The following ELP2 variants were observed in gnomAD, a reference collection of about 807,000 sequenced individuals.
ELP2 encodes elongator acetyltransferase complex subunit 2, also known as elongator complex protein 2.
In ELP2, 90 loss-of-function variants were observed where a neutral mutation model predicts 119.2. The observed-to-expected ratio is 0.75, with a 90% confidence interval of 0.64 to 0.90. ELP2 has a LOEUF of 0.90. Among genes scored for constraint, ELP2 ranks in the 40% least tolerant of loss-of-function variants. The pLI is 0.00. For synonymous variants in ELP2, 339 were observed against 331.0 expected, an observed-to-expected ratio of 1.02 and a Z score of -0.26; for missense variants, 921 against 967.8, an observed-to-expected ratio of 0.95 and a Z score of 0.64.
At chr18:36,155,592 C>T (rs1222298954) in intron 12 of ELP2, among the ~76,000 whole-genome samples, 1 of 152,042 alleles carries the variant, frequency 6.6e-6, no homozygotes, top group African/African-American at 2.4e-5. Context: ...TTTGTAGAGA[C>T]AGGATCTTGC....
intron 21 of ELP2, 91 bp from the exon 22 acceptor site, chr18:36,174,394 C>G (rs555947077): frequency 7.9e-7 from 1 of 1,259,894 alleles, no homozygotes; most frequent in Non-Finnish European, 1.1e-6. Context: ...ATTTTAAAAC[C>G]TGTACATTTC....
chr18:36,139,426 G>A lies in ELP2; in HGVS notation c.523+554G>A, dbSNP rs1456441833. 5.9e-6 allele frequency: 9 copies of A among 1,535,322 alleles called. No individual in the cohort carries two copies. The African/African-American group carries it at 9.6e-5, about 16-fold the overall frequency. On this transcript the variant is annotated intron_variant, in intron 5 of 21. Transcript: ENST00000358232. ...GCCTCTTTGCCTCCACAGTTACCTG[G>A]AAGACTGGCCAGGTGGAACGAGGCA...
rs1057483081 is a variant in ELP2 at position 36,174,931 on chromosome 18, G to A, written c.*290G>A. 2.8e-6 allele frequency: 1 copy of A among 355,062 alleles called. No individual in the cohort carries two copies. The highest frequency in any genetic ancestry group is 5.3e-6 in the Non-Finnish European group (1 of 186,976). 22.0% of individuals were successfully genotyped at this position (355,062 alleles called of 1,614,324 possible). A position where few individuals can be genotyped will look rare whatever the true frequency, so the allele number is the denominator to read the frequency against. On this transcript the variant is annotated 3_prime_UTR_variant, in exon 22 of 22. Coordinates refer to ENST00000358232, the MANE Select transcript of ELP2 (RefSeq NM_018255.4). Reference sequence around the variant, plus strand: ...GGGTCTCAAACTCCTCGTCTCAGGTGATCTGCTTGCCTCGGCCTCCCAAAG... The same window carrying A: ...GGGTCTCAAACTCCTCGTCTCAGGTAATCTGCTTGCCTCGGCCTCCCAAAG...
At chr18:36,136,451 TGTC>T in intron 3 of ELP2, 74 bp downstream of exon 3, 1 of 1,238,088 alleles carries the variant, frequency 8.1e-7, no homozygotes, top group Non-Finnish European at 1.2e-6. Context: ...AGTTTCACTC[TGTC>T]ACCCAGGCTG....
At chr18:36,170,867 G>T (rs1219563612) in intron 20 of ELP2, 180 bp from the exon 21 acceptor site, 1 of 639,918 alleles carries the variant, frequency 1.6e-6, no homozygotes, top group East Asian at 2.8e-5. Flanking sequence ...TGCAGCCCCT[G>T]TAAAGAGGAG....
At chr18:36,136,267 A>C in intron 2 of ELP2, 40 bp from the exon 3 acceptor site, 1 of 1,505,590 alleles carries the variant, frequency 6.6e-7, no homozygotes, top group East Asian at 2.3e-5. Context: ...ATTGCAGAAA[A>C]AATGAATAAA....
chr18:36,165,861 G>A lies in ELP2; in HGVS notation c.1954+1194G>A, dbSNP rs574732463. ...GATGCCATTGCACTCCAGCCTAGGC[G>A]ACAGAGCAAGACCCCATCTTAACAA... On this transcript the variant is annotated intron_variant, in intron 18 of 21. Transcript: ENST00000358232. Among the ~76,000 whole-genome samples the A allele has an allele frequency of 1.8e-4, 27 of 151,834 alleles. No homozygotes were observed. In the South Asian group the frequency reaches 5.4e-3, roughly 31 times the overall value.
At chr18:36,140,955 A>T (rs2090002183) in intron 5 of ELP2, among the ~76,000 whole-genome samples, 182 bp from the exon 6 acceptor site, 1 of 152,244 alleles carries the variant, frequency 6.6e-6, no homozygotes, top group African/African-American at 2.4e-5. Context: ...ACTGAATAGA[A>T]CGTTTTAGAG....
chr18:36,144,020 A>G (rs899569815), intron 8 of ELP2, among the ~76,000 whole-genome samples: 5 of 152,026 alleles, frequency 3.3e-5, no homozygotes, highest in African/African-American at 1.2e-4. Context: ...TCCTGTTGGG[A>G]TGTTGTATTT....
At chr18:36,162,223 C>T (rs892475641) in intron 17 of ELP2, among the ~76,000 whole-genome samples, 12 of 152,176 alleles carry the variant, frequency 7.9e-5, no homozygotes, top group African/African-American at 2.9e-4. Context: ...CTCCCTTTCC[C>T]CTCCTGCCTC....
chr18:36,151,828 A>G (rs2144693177), intron 11 of ELP2, among the ~76,000 whole-genome samples: 1 of 139,494 alleles, frequency 7.2e-6, no homozygotes, highest in Non-Finnish European at 1.5e-5. Context: ...GGCTCACTGC[A>G]CTCTCGCCTC....
chr18:36,133,996 G>A (rs1012398099), intron 2 of ELP2, among the ~76,000 whole-genome samples: 1 of 125,482 alleles, frequency 8.0e-6, no homozygotes. Context: ...TGCGAGCTCC[G>A]CCTCCCGGGT....
At chr18:36,156,800 C>A in intron 13 of ELP2, 146 bp downstream of exon 13, 1 of 785,578 alleles carries the variant, frequency 1.3e-6, no homozygotes, top group Non-Finnish European at 2.1e-6. Flanking sequence ...AGTTTTTGTG[C>A]ACTGTGGGGT....
Position 36,137,803 on chromosome 18 carries a change from CAAAAAAAAA to C in ELP2, c.289-451_289-443del, listed in dbSNP as rs57722627. Among the ~76,000 whole-genome samples the C allele has an allele frequency of 2.6e-3, 265 of 103,686 alleles. 1 individual carries two copies. The highest frequency in any genetic ancestry group is 6.6e-3 in the African/African-American group (189 of 28,484). 68.0% of individuals were successfully genotyped at this position (103,686 alleles called of 152,430 possible). ...TCCCAAAGTATACTCATATTATCAC[CAAAAAAAAA>C]AAAAAAAAAAAAAAATTAACATCAC... On this transcript the variant is annotated intron_variant, in intron 3 of 21. Coordinates refer to ENST00000358232, the MANE Select transcript of ELP2 (RefSeq NM_018255.4).
chr18:36,149,481 TTG>T (rs2090320795), intron 11 of ELP2, among the ~76,000 whole-genome samples: 4 of 111,024 alleles, frequency 3.6e-5, no homozygotes, highest in Non-Finnish European at 5.7e-5. Context: ...GTTTTTTGTT[TTG>T]TTTTGTTTTT....
intron 12 of ELP2, 100 bp from the exon 13 acceptor site, chr18:36,156,366 G>A: frequency 8.6e-7 from 1 of 1,165,784 alleles, no homozygotes; most frequent in Non-Finnish European, 1.3e-6. Flanking sequence ...TTGCCCCATG[G>A]TTATATTTCC....
rs79245337 is a variant in ELP2 at position 36,171,050 on chromosome 18, C to T, written c.2214C>T (p.Tyr738=). The change falls in exon 21 of 22, where the codon TAC becomes TAT. Residue 738 remains tyrosine, a synonymous_variant. Coordinates refer to ENST00000358232, the MANE Select transcript of ELP2 (RefSeq NM_018255.4). ...TGTCCCCCTCCCTTAAAAACAGATA[C>T]GTGGTTGCAGTAGGATTGGAGTGTG... ...VCPVLHPSQR[Y]VVAVGLECGK... The T allele has an allele frequency of 1.1e-3, 1,842 of 1,605,684 alleles. 18 individuals are homozygous for T. In the African/African-American group the frequency reaches 0.021, roughly 19 times the overall value.
At chr18:36,136,145 T>C (rs1379842816) in intron 2 of ELP2, among the ~76,000 whole-genome samples, 162 bp from the exon 3 acceptor site, 1 of 152,164 alleles carries the variant, frequency 6.6e-6, no homozygotes, top group Non-Finnish European at 1.5e-5. Flanking sequence ...TGTGTATGTA[T>C]ATAGAGGAAG....
intron 11 of ELP2, among the ~76,000 whole-genome samples, chr18:36,148,466 C>T (rs2090285312): frequency 6.6e-6 from 1 of 152,140 alleles, no homozygotes; most frequent in Non-Finnish European, 1.5e-5. Flanking sequence ...AAGACTGTAA[C>T]AAGGGCTATG....
Sources: gnomAD v4.1 joint callset for allele counts (sites outside exome capture counted in the v4.1 genomes callset) on GRCh38, gnomAD v4.1.1 for gene constraint, MANE v1.5 for transcripts, NCBI Gene and HGNC (gene_info 2026-07-23, HGNC 2026-07-21) for gene names.